CNTNAP2: variants seen among roughly 807,000 people sequenced by gnomAD.
The protein encoded by CNTNAP2 is contactin associated protein 2.
CNTNAP2 carries 98 observed loss-of-function variants against 155.2 expected under a neutral mutation model. That is an observed-to-expected ratio of 0.63 (90% CI 0.54 to 0.75). CNTNAP2 has a LOEUF of 0.75. Ranked by LOEUF, CNTNAP2 falls within the 30% of genes least tolerant of loss-of-function variation. The pLI is 0.00. For missense variants in CNTNAP2, 1,727 were observed against 1,688.1 expected (o/e 1.02, Z -0.40); for synonymous variants, 651 against 631.2 (o/e 1.03, Z -0.47).
intron 1 of CNTNAP2, among the ~76,000 whole-genome samples, chr7:146,576,187 G>A (rs1798521317): frequency 1.3e-5 from 2 of 152,208 alleles, no homozygotes; most frequent in Non-Finnish European, 1.5e-5. Flanking sequence ...TGACTCCCAT[G>A]TGATACGGTG....
chr7:147,242,149 C>T (rs1363458573), intron 8 of CNTNAP2, among the ~76,000 whole-genome samples: 11 of 152,162 alleles, frequency 7.2e-5, no homozygotes, highest in South Asian at 2.1e-4. Flanking sequence ...ATTGTTTCTT[C>T]AGTGTCCTGA....
intron 1 of CNTNAP2, among the ~76,000 whole-genome samples, chr7:146,321,787 GA>G (rs909266902): frequency 1.7e-4 from 26 of 152,064 alleles, no homozygotes; most frequent in African/African-American, 6.3e-4. Flanking sequence ...TCTCAAGAAG[GA>G]AAATGTTTTT....
intron 3 of CNTNAP2, among the ~76,000 whole-genome samples, chr7:146,893,428 CAT>C (rs906923677): frequency 1.0e-4 from 15 of 150,076 alleles, no homozygotes; most frequent in Middle Eastern, 3.5e-3. Context: ...TGTATATATA[CAT>C]ATGTGTGTGT....
At chr7:146,228,734 A>G (rs1287472326) in intron 1 of CNTNAP2, among the ~76,000 whole-genome samples, 2 of 152,110 alleles carry the variant, frequency 1.3e-5, no homozygotes, top group African/African-American at 2.4e-5. Context: ...CTATTGCTCT[A>G]TTCTATAAAT....
chr7:146,159,949 G>A (rs1798191139), intron 1 of CNTNAP2, among the ~76,000 whole-genome samples: 1 of 152,108 alleles, frequency 6.6e-6, no homozygotes, highest in South Asian at 2.1e-4. Context: ...TCTTCTCAGT[G>A]CCACATCACA....
intron 2 of CNTNAP2, among the ~76,000 whole-genome samples, chr7:146,812,068 G>A (rs1209847215): frequency 6.6e-6 from 1 of 152,122 alleles, no homozygotes; most frequent in Non-Finnish European, 1.5e-5. Context: ...CTGGGAGAAT[G>A]GGGTGTTGCT....
At chr7:146,518,103 C>T (rs62484460) in intron 1 of CNTNAP2, among the ~76,000 whole-genome samples, 12,612 of 151,728 alleles carry the variant, frequency 0.083, 695 homozygotes, top group Non-Finnish European at 0.12. Context: ...AACTATGACC[C>T]ATTTCAGTTC....
intron 2 of CNTNAP2, among the ~76,000 whole-genome samples, chr7:146,785,199 C>T (rs1265669202): frequency 6.6e-6 from 1 of 151,928 alleles, no homozygotes; most frequent in Non-Finnish European, 1.5e-5. Context: ...GTCTCGAACT[C>T]CTGCACTCAA....
At chr7:148,027,743 T>C (rs1189989503) in intron 15 of CNTNAP2, among the ~76,000 whole-genome samples, 1 of 152,178 alleles carries the variant, frequency 6.6e-6, no homozygotes, top group African/African-American at 2.4e-5. Context: ...TGATTATACA[T>C]GGTCATATAT....
At chr7:147,324,169 G>A (rs1003600091) in intron 9 of CNTNAP2, among the ~76,000 whole-genome samples, 6 of 152,104 alleles carry the variant, frequency 3.9e-5, no homozygotes, top group Non-Finnish European at 8.8e-5. Context: ...AGGTGTATTA[G>A]GTGAACAACT....
intron 10 of CNTNAP2, among the ~76,000 whole-genome samples, chr7:147,447,079 A>T (rs1214155135): frequency 6.6e-6 from 1 of 152,194 alleles, no homozygotes; most frequent in African/African-American, 2.4e-5. Flanking sequence ...TTTTTTAATT[A>T]CTATGACTTC....
chr7:147,082,368 A>G (rs1306541403), intron 4 of CNTNAP2, among the ~76,000 whole-genome samples: 1 of 152,174 alleles, frequency 6.6e-6, no homozygotes, highest in Non-Finnish European at 1.5e-5. Flanking sequence ...CTTACTTGTT[A>G]CTGAGAACAG....
chr7:146,944,395 A>G (rs981536974), intron 3 of CNTNAP2, among the ~76,000 whole-genome samples: 1 of 152,110 alleles, frequency 6.6e-6, no homozygotes, highest in Non-Finnish European at 1.5e-5. Context: ...TGCATATGGT[A>G]TATTGAATCT....
At chr7:147,194,020 T>C (rs1412224212) in intron 8 of CNTNAP2, among the ~76,000 whole-genome samples, 2 of 151,864 alleles carry the variant, frequency 1.3e-5, no homozygotes, top group African/African-American at 2.4e-5. Flanking sequence ...TGTTACATAG[T>C]TATACATGTG....
chr7:147,451,792 A>T (rs1236394499), intron 10 of CNTNAP2, among the ~76,000 whole-genome samples: 2 of 152,154 alleles, frequency 1.3e-5, no homozygotes, highest in African/African-American at 4.8e-5. Context: ...CTCACATTGA[A>T]ATTTAATTGC....
chr7:147,391,586 ATAAGCTCCCCCT>A (rs1796719595), intron 9 of CNTNAP2, among the ~76,000 whole-genome samples: 1 of 152,088 alleles, frequency 6.6e-6, no homozygotes, highest in Admixed American at 6.6e-5. Context: ...TTATATAAAG[ATAAGCTCCCCCT>A]TACCCCTTGA....
At chr7:147,653,963 G>A (rs942579953) in intron 13 of CNTNAP2, among the ~76,000 whole-genome samples, 6 of 152,146 alleles carry the variant, frequency 3.9e-5, no homozygotes, top group South Asian at 2.1e-4. Context: ...ATTATGAGAC[G>A]TTGAAGTATA....
chr7:146,285,440 G>C (rs1337791592), intron 1 of CNTNAP2, among the ~76,000 whole-genome samples: 3 of 151,908 alleles, frequency 2.0e-5, no homozygotes. Flanking sequence ...CTTTATGTTA[G>C]TGAAAACTGT....
intron 1 of CNTNAP2, among the ~76,000 whole-genome samples, chr7:146,161,459 T>G (rs1798220873): frequency 6.6e-6 from 1 of 152,170 alleles, no homozygotes. Context: ...TTGCAAGAGA[T>G]GTTAAGGACC....
Sources: allele counts gnomAD v4.1 joint callset (sites outside exome capture counted in the v4.1 genomes callset), GRCh38; gene constraint gnomAD v4.1.1; transcripts MANE v1.5; gene names NCBI Gene and HGNC (gene_info 2026-07-23, HGNC 2026-07-21).